MYO3A: variants seen among roughly 807,000 people sequenced by gnomAD.
MYO3A encodes the protein myosin IIIA, also known as myosin-IIIa.
A neutral mutation model predicts 192.7 loss-of-function variants in MYO3A; 180 were observed. The observed-to-expected ratio is 0.93, with a 90% CI of 0.83 to 1.06. The LOEUF is 1.06. MYO3A is among the 50% of genes least tolerant of loss of function. The pLI is 0.00. For missense variants in MYO3A, 1,896 were observed against 1,905.0 expected (o/e 1.00, Z 0.09); for synonymous variants, 628 against 645.3 (o/e 0.97, Z 0.41).
rs78788833 is a variant in MYO3A at position 25,996,911 on chromosome 10, T to G, written c.409-248T>G. Reference sequence around the variant, plus strand: ...AGGTATATGAAATATTTTCTTCCATTGAAACTCACACATTTGTAATACGAT... The same window carrying G: ...AGGTATATGAAATATTTTCTTCCATGGAAACTCACACATTTGTAATACGAT... On this transcript the variant is annotated intron_variant, in intron 5 of 34. Coordinates refer to ENST00000642920, the MANE Select transcript of MYO3A (RefSeq NM_017433.5). Among the ~76,000 whole-genome samples the G allele has an allele frequency of 0.013, 1,998 of 152,308 alleles. 44 individuals carry two copies. Among genetic ancestry groups the G allele is most frequent in the African/African-American group, 0.044 (1,808 of 41,562 alleles).
intron 12 of MYO3A, among the ~76,000 whole-genome samples, chr10:26,069,760 G>T (rs1835080063): frequency 6.6e-6 from 1 of 151,982 alleles, no homozygotes; most frequent in Admixed American, 6.6e-5. Context: ...CCAAGGAGCA[G>T]TTAACAAACT....
At chr10:26,152,420 A>G (rs1352582955) in intron 23 of MYO3A, among the ~76,000 whole-genome samples, 1 of 152,228 alleles carries the variant, frequency 6.6e-6, no homozygotes, top group South Asian at 2.1e-4. Flanking sequence ...AAAATGTTAG[A>G]GTTAGAGTTC....
At chr10:25,999,819 T>G (rs1189585485) in intron 6 of MYO3A, among the ~76,000 whole-genome samples, 3 of 152,196 alleles carry the variant, frequency 2.0e-5, no homozygotes, top group African/African-American at 4.8e-5. Flanking sequence ...TACTCATTGC[T>G]CAAAACGAAA....
intron 23 of MYO3A, among the ~76,000 whole-genome samples, chr10:26,151,676 A>C (rs1278851534): frequency 6.6e-6 from 1 of 152,170 alleles, no homozygotes; most frequent in African/African-American, 2.4e-5. Flanking sequence ...TAATGTGATT[A>C]ATGATATGGT....
intron 2 of MYO3A, among the ~76,000 whole-genome samples, chr10:25,945,207 T>A (rs751113254): frequency 3.3e-5 from 5 of 151,868 alleles, no homozygotes; most frequent in Admixed American, 2.0e-4. Flanking sequence ...CTAGTTTCAT[T>A]ACATTTTGAT....
chr10:25,995,362 C>T (rs1003975187), intron 4 of MYO3A, among the ~76,000 whole-genome samples: 3 of 152,174 alleles, frequency 2.0e-5, no homozygotes, highest in Non-Finnish European at 4.4e-5. Context: ...CCATCAGGTC[C>T]TTTAAGGACT....
At chr10:25,976,918 T>A (rs1838996880) in intron 4 of MYO3A, among the ~76,000 whole-genome samples, 1 of 152,190 alleles carries the variant, frequency 6.6e-6, no homozygotes, top group Non-Finnish European at 1.5e-5. Context: ...TTTTTTATTA[T>A]CTGTTGCCTA....
chr10:26,189,712 A>C (rs528342132), intron 31 of MYO3A, among the ~76,000 whole-genome samples: 16 of 152,198 alleles, frequency 1.1e-4, no homozygotes, highest in African/African-American at 3.9e-4. Context: ...AGAAAGAAAA[A>C]AGAGGCATCA....
intron 10 of MYO3A, among the ~76,000 whole-genome samples, chr10:26,036,228 T>C (rs999852682): frequency 1.3e-5 from 2 of 151,994 alleles, no homozygotes; most frequent in Non-Finnish European, 2.9e-5. Context: ...CGTGAGCCAC[T>C]GCGCCCAGCC....
At chr10:26,094,517 C>T (rs922767036) in intron 15 of MYO3A, among the ~76,000 whole-genome samples, 9 of 151,304 alleles carry the variant, frequency 5.9e-5, no homozygotes, top group African/African-American at 1.2e-4. Flanking sequence ...CTCTGCCTCC[C>T]GGGTTCATGC....
chr10:25,974,788 A>T (rs893575087), intron 4 of MYO3A, among the ~76,000 whole-genome samples: 3 of 152,192 alleles, frequency 2.0e-5, no homozygotes, highest in African/African-American at 7.2e-5. Context: ...GCTTCACTGG[A>T]GAATGAATTG....
intron 4 of MYO3A, among the ~76,000 whole-genome samples, chr10:25,963,444 C>T (rs908005465): frequency 6.6e-6 from 1 of 152,174 alleles, no homozygotes; most frequent in Non-Finnish European, 1.5e-5. Flanking sequence ...TGTGAGCTTT[C>T]TGTTTGTTCA....
At chr10:25,954,726 G>T in intron 3 of MYO3A, 148 bp from the exon 4 acceptor site, 1 of 730,534 alleles carries the variant, frequency 1.4e-6, no homozygotes. Flanking sequence ...ATTATGTAAT[G>T]AGAAATTACA....
intron 17 of MYO3A, among the ~76,000 whole-genome samples, chr10:26,106,107 A>G (rs759836067): frequency 5.9e-5 from 9 of 152,006 alleles, no homozygotes; most frequent in Non-Finnish European, 1.0e-4. Context: ...GCTATTGTTT[A>G]GCATTGCTTG....
In MYO3A at chr10:26,120,775, A is replaced by G; in HGVS notation, c.1876A>G (p.Ile626Val). The G allele has an allele frequency of 6.2e-7, 1 of 1,614,104 alleles. No individual in the cohort carries two copies. Among genetic ancestry groups the G allele is most frequent in the Non-Finnish European group, 8.5e-7 (1 of 1,179,994 alleles). Residue 626 changes from isoleucine to valine, a missense_variant, in exon 18 of 35, where the codon ATT becomes GTT. Coordinates refer to ENST00000642920, the MANE Select transcript of MYO3A (RefSeq NM_017433.5). ...ATEHQIDKSH[I>V]SNHTALENCA... ...TGAACACCAGATTGACAAGAGCCAC[A>G]TTTCTAATCATACAGCCCTGGAGAA...
At chr10:26,094,751 T>C (rs892999879) in intron 15 of MYO3A, among the ~76,000 whole-genome samples, 1 of 151,098 alleles carries the variant, frequency 6.6e-6, no homozygotes, top group Non-Finnish European at 1.5e-5. Flanking sequence ...AAGAGAGCAA[T>C]AGTAAATTTC....
At chr10:25,990,840 CT>C (rs1403205294) in intron 4 of MYO3A, among the ~76,000 whole-genome samples, 1 of 118,792 alleles carries the variant, frequency 8.4e-6, no homozygotes, top group Admixed American at 8.3e-5. Context: ...AGGACATGAA[CT>C]CATCATTTTT....
At chr10:26,121,912 A>G (rs1838886092) in intron 18 of MYO3A, among the ~76,000 whole-genome samples, 1 of 152,242 alleles carries the variant, frequency 6.6e-6, no homozygotes, top group Non-Finnish European at 1.5e-5. Context: ...TATAAATGCT[A>G]TCCCACTGTG....
intron 14 of MYO3A, among the ~76,000 whole-genome samples, chr10:26,077,233 GTTTTTTTTTT>G (rs34464120): frequency 0.043 from 1,547 of 36,370 alleles, 96 homozygotes; most frequent in African/African-American, 0.14. Flanking sequence ...TATTCCTAAG[GTTTTTTTTTT>G]TTTTTTTTTT....
Sources: gnomAD v4.1 joint callset for allele counts (sites outside exome capture counted in the v4.1 genomes callset) on GRCh38, gnomAD v4.1.1 for gene constraint, MANE v1.5 for transcripts, NCBI Gene and HGNC (gene_info 2026-07-23, HGNC 2026-07-21) for gene names.